The following NCAM2 variants were observed in gnomAD, a reference collection of about 807,000 sequenced individuals.
The protein encoded by NCAM2 is N-CAM-2.
A neutral mutation model predicts 98.1 loss-of-function variants in NCAM2; 30 were observed. The observed-to-expected ratio is 0.31, with a 90% CI of 0.23 to 0.41. NCAM2 has a LOEUF of 0.41. Among genes scored for constraint, NCAM2 ranks in the 10% least tolerant of loss-of-function variants. The pLI is 1.00. For missense variants in NCAM2, 867 were observed against 1,005.8 expected, an observed-to-expected ratio of 0.86 and a Z score of 1.87; for synonymous variants, 368 against 342.4, an observed-to-expected ratio of 1.07 and a Z score of -0.83.
At chr21:21,147,476 C>T (rs910029391) in intron 1 of NCAM2, among the ~76,000 whole-genome samples, 1 of 151,630 alleles carries the variant, frequency 6.6e-6, no homozygotes, top group Non-Finnish European at 1.5e-5. Flanking sequence ...GTGGTATACT[C>T]ATGACTCACT....
At chr21:21,470,650 G>A (rs1473422642) in intron 14 of NCAM2, among the ~76,000 whole-genome samples, 5 of 151,902 alleles carry the variant, frequency 3.3e-5, no homozygotes, top group African/African-American at 2.4e-5. Context: ...TGCTTACCAC[G>A]CCAATAAAAG....
At chr21:21,389,863 T>A (rs1347507910) in intron 9 of NCAM2, among the ~76,000 whole-genome samples, 1 of 152,188 alleles carries the variant, frequency 6.6e-6, no homozygotes, top group Non-Finnish European at 1.5e-5. Context: ...CTATTATTAT[T>A]ATTATGAGGC....
rs76770855 is a variant in NCAM2 at position 21,301,007 on chromosome 21, C to A, written c.619+8766C>A. Among the ~76,000 whole-genome samples the A allele has an allele frequency of 8.2e-3, 1,249 of 152,018 alleles. 15 individuals are homozygous for A. The highest frequency in any genetic ancestry group is 0.041 in the Middle Eastern group (12 of 294). Reference sequence around the variant, plus strand: ...TGCGTTTGTGTGTCGGAAAAATAATCACCACGGATAGTGAATATATCTTCT... The same window carrying A: ...TGCGTTTGTGTGTCGGAAAAATAATAACCACGGATAGTGAATATATCTTCT... On this transcript the variant is annotated intron_variant, in intron 5 of 17. Transcript: ENST00000400546.
At chr21:21,401,156 T>G (rs2145872628) in intron 9 of NCAM2, among the ~76,000 whole-genome samples, 1 of 152,300 alleles carries the variant, frequency 6.6e-6, no homozygotes. Context: ...CAAATTTTAT[T>G]TTGTTTTCAT....
chr21:21,347,252 T>G (rs568140614), intron 8 of NCAM2, among the ~76,000 whole-genome samples: 2 of 151,970 alleles, frequency 1.3e-5, no homozygotes, highest in Non-Finnish European at 2.9e-5. Context: ...GACGAATTCC[T>G]ATATACATAC....
intron 1 of NCAM2, among the ~76,000 whole-genome samples, chr21:21,062,216 A>T (rs984771953): frequency 2.0e-5 from 3 of 152,230 alleles, no homozygotes; most frequent in Non-Finnish European, 4.4e-5. Flanking sequence ...AACAAAGTTG[A>T]AGGATAGTGG....
chr21:21,087,784 G>A (rs536720448), intron 1 of NCAM2, among the ~76,000 whole-genome samples: 42 of 152,168 alleles, frequency 2.8e-4, no homozygotes, highest in African/African-American at 1.0e-3. Context: ...CCAGTCTTCT[G>A]TTTGGCTCTT....
At chr21:21,310,763 A>G (rs1446052173) in intron 5 of NCAM2, among the ~76,000 whole-genome samples, 2 of 152,184 alleles carry the variant, frequency 1.3e-5, no homozygotes, top group Non-Finnish European at 1.5e-5. Context: ...TCTTGGCTCT[A>G]CTACAGTCAG....
chr21:21,083,988 C>T (rs757663666), intron 1 of NCAM2, among the ~76,000 whole-genome samples: 48 of 152,082 alleles, frequency 3.2e-4, no homozygotes, highest in Admixed American at 7.2e-4. Flanking sequence ...ACAAAAACAC[C>T]ATAAATTGGG....
At chr21:21,189,552 C>T (rs73228519) in intron 1 of NCAM2, among the ~76,000 whole-genome samples, 4,012 of 152,138 alleles carry the variant, frequency 0.026, 82 homozygotes, top group Non-Finnish European at 0.04. Context: ...ACAGCAAGAC[C>T]TCGTCTCTAT....
intron 7 of NCAM2, 84 bp from the exon 8 acceptor site, chr21:21,338,305 A>G (rs2074933302): frequency 7.9e-7 from 1 of 1,261,516 alleles, no homozygotes; most frequent in Non-Finnish European, 1.1e-6. Context: ...ATACTATAGT[A>G]GACTTAAACA....
chr21:21,299,271 G>A (rs9979941), intron 5 of NCAM2, among the ~76,000 whole-genome samples: 111,274 of 150,430 alleles, frequency 0.74, 41,246 homozygotes, highest in South Asian at 0.82. Context: ...TGAAATTCAC[G>A]AATGACCAGT....
chr21:21,137,702 G>A (rs1024781693), intron 1 of NCAM2, among the ~76,000 whole-genome samples: 10 of 152,172 alleles, frequency 6.6e-5, no homozygotes, highest in African/African-American at 2.4e-4. Flanking sequence ...AGGTTGCAGT[G>A]AGCCGAGATC....
In NCAM2 at chr21:21,277,558, G is replaced by A. The variant is rs78737557; in HGVS notation, c.56-3020G>A. ...CAGTTTGGGCAAATGCACAATGGTA[G>A]GCAAGTGTGAGTCAGTTGGGGAGAG... On this transcript the variant is annotated intron_variant, in intron 1 of 17. Transcript: ENST00000400546. Among the ~76,000 whole-genome samples the A allele has an allele frequency of 0.015, 2,301 of 152,152 alleles. 67 individuals are homozygous for A. The East Asian group carries it at 0.16, about 10-fold the overall frequency.
intron 15 of NCAM2, among the ~76,000 whole-genome samples, chr21:21,492,399 C>A (rs1174286598): frequency 6.6e-6 from 1 of 151,866 alleles, no homozygotes; most frequent in Admixed American, 6.6e-5. Context: ...ACCACGGTTT[C>A]ATCCATTAAT....
At chr21:21,515,172 T>C (rs1220632194) in intron 16 of NCAM2, among the ~76,000 whole-genome samples, 1 of 152,160 alleles carries the variant, frequency 6.6e-6, no homozygotes, top group African/African-American at 2.4e-5. Flanking sequence ...GTAAATAATC[T>C]AGATTTACTT....
intron 5 of NCAM2, among the ~76,000 whole-genome samples, chr21:21,319,324 C>G (rs2826791): frequency 6.8e-4 from 104 of 152,046 alleles, no homozygotes; most frequent in African/African-American, 2.4e-3. Context: ...TCTGTGAATA[C>G]GAGTTAACAA....
chr21:21,126,967 A>G (rs1018837627), intron 1 of NCAM2, among the ~76,000 whole-genome samples: 2 of 151,924 alleles, frequency 1.3e-5, no homozygotes, highest in Non-Finnish European at 2.9e-5. Flanking sequence ...CTGCATCTAA[A>G]TTTTACTCTC....
intron 9 of NCAM2, among the ~76,000 whole-genome samples, chr21:21,407,724 T>C (rs1465006812): frequency 6.6e-6 from 1 of 152,216 alleles, no homozygotes; most frequent in Non-Finnish European, 1.5e-5. Flanking sequence ...GATATAGATA[T>C]AGACGTATGA....
Sources: allele counts gnomAD v4.1 joint callset (sites outside exome capture counted in the v4.1 genomes callset), GRCh38; gene constraint gnomAD v4.1.1; transcripts MANE v1.5; gene names NCBI Gene and HGNC (gene_info 2026-07-23, HGNC 2026-07-21).